Variants in MBD5 observed in about 807,000 individuals in gnomAD.
MBD5 encodes the protein methyl-CpG binding domain protein 5, also known as methyl-CpG-binding domain protein 5.
In MBD5, 13 loss-of-function variants were observed where a neutral mutation model predicts 117.3. That is an observed-to-expected ratio of 0.11 (90% CI 0.07 to 0.18). The LOEUF (loss-of-function observed/expected upper bound fraction) is 0.18. MBD5 is among the 10% of genes least tolerant of loss of function. The probability of loss-of-function intolerance (pLI) is 1.00; values close to 1 mark genes in which losing one functional copy is unlikely to be tolerated. For missense variants in MBD5, 1,879 were observed against 2,093.8 expected (o/e 0.90, Z 2.00); for synonymous variants, 727 against 766.4 (o/e 0.95, Z 0.85).
chr2:148,129,225 T>C (rs936840023), intron 1 of MBD5, among the ~76,000 whole-genome samples: 4 of 152,160 alleles, frequency 2.6e-5, no homozygotes, highest in African/African-American at 9.7e-5. Context: ...CCGGGTGCTG[T>C]GGCTCATGTC....
At chr2:148,207,299 G>T (rs1699307263) in intron 2 of MBD5, among the ~76,000 whole-genome samples, 1 of 152,104 alleles carries the variant, frequency 6.6e-6, no homozygotes, top group Non-Finnish European at 1.5e-5. Context: ...ATTGTCTCAA[G>T]ATTCAATCAC....
rs1700590205 is a variant in MBD5 at position 148,256,349 on chromosome 2, G to A, written c.-680+22954G>A. Among the ~76,000 whole-genome samples, 3 of 152,228 alleles carry A rather than the reference G, an allele frequency of 2.0e-5. No individual in the cohort carries two copies. The South Asian group carries it at 6.2e-4, about 32-fold the overall frequency. On this transcript the variant is annotated intron_variant, in intron 3 of 13. Coordinates refer to ENST00000642680, the MANE Select transcript of MBD5 (RefSeq NM_001378120.1). ...ACTCTAACCATTGGACCTTGGCCAA[G>A]GCATCTGCCTCATCATTGCCGGGGG...
In MBD5 at chr2:148,483,765, AC is replaced by A; in HGVS notation, c.3176del (p.Pro1059GlnfsTer24). 6.4e-7 allele frequency: 1 copy of A among 1,550,456 alleles called. No individual in the cohort carries two copies. The highest frequency in any genetic ancestry group is 8.7e-7 in the Non-Finnish European group (1 of 1,146,946). On this transcript the variant is annotated frameshift_variant, in exon 9 of 14. Transcript: ENST00000642680. LOFTEE classifies it high-confidence loss of function. The stretch of plus-strand genomic sequence containing the variant: ...TAACCAGCCCCCTGGGGAACCCTTT[AC>A]CAAGCTTTGCAGGCAGTGACACTAC... ...LLTSPLGNPLPSFAGSDTTFN... is the reference protein window; with the variant it reads ...LLTSPLGNPLXSFAGSDTTFN...
At chr2:148,109,021 G>A (rs1696442347) in intron 1 of MBD5, among the ~76,000 whole-genome samples, 2 of 152,138 alleles carry the variant, frequency 1.3e-5, no homozygotes, top group South Asian at 4.1e-4. Flanking sequence ...ACCCATTATT[G>A]AACATTCAAG....
chr2:148,061,192 C>G (rs977646386), intron 1 of MBD5, among the ~76,000 whole-genome samples: 2 of 152,162 alleles, frequency 1.3e-5, no homozygotes, highest in South Asian at 2.1e-4. Flanking sequence ...TCCCCTGTAT[C>G]ATAACCCTGC....
At chr2:148,277,657 T>C (rs1010359496) in intron 3 of MBD5, among the ~76,000 whole-genome samples, 3 of 152,284 alleles carry the variant, frequency 2.0e-5, no homozygotes, top group East Asian at 3.9e-4. Context: ...CTCTTTTTCA[T>C]TGATAATGCC....
chr2:148,228,467 G>A (rs919517758), intron 2 of MBD5, among the ~76,000 whole-genome samples: 4 of 152,178 alleles, frequency 2.6e-5, no homozygotes, highest in African/African-American at 9.7e-5. Context: ...AAGCCCACTT[G>A]ATCATGGTGG....
intron 3 of MBD5, among the ~76,000 whole-genome samples, chr2:148,280,959 G>A: frequency 6.6e-6 from 1 of 151,984 alleles, no homozygotes; most frequent in East Asian, 1.9e-4. Flanking sequence ...TTTAACTATT[G>A]TTACTTTACA....
At chr2:148,404,485 T>C (rs970277666) in intron 4 of MBD5, among the ~76,000 whole-genome samples, 1 of 152,168 alleles carries the variant, frequency 6.6e-6, no homozygotes, top group African/African-American at 2.4e-5. Flanking sequence ...CCAGTGTGTT[T>C]CTCTCTTCTC....
chr2:148,300,124 AG>A (rs1456121282), intron 3 of MBD5, among the ~76,000 whole-genome samples: 1 of 151,858 alleles, frequency 6.6e-6, no homozygotes, highest in African/African-American at 2.4e-5. Flanking sequence ...GCACGATCTC[AG>A]CTCACTGTAA....
chr2:148,309,167 G>T (rs1206506150), intron 3 of MBD5, among the ~76,000 whole-genome samples: 7 of 152,144 alleles, frequency 4.6e-5, no homozygotes, highest in Non-Finnish European at 8.8e-5. Flanking sequence ...GAAATTTAAA[G>T]TAGTTTTTTC....
At chr2:148,302,196 TTGC>T (rs1701789528) in intron 3 of MBD5, among the ~76,000 whole-genome samples, 1 of 152,240 alleles carries the variant, frequency 6.6e-6, no homozygotes, top group African/African-American at 2.4e-5. Context: ...AAAAATCCTC[TTGC>T]TGTGGGCATG....
At chr2:148,388,148 T>A (rs148133472) in intron 4 of MBD5, among the ~76,000 whole-genome samples, 6 of 152,298 alleles carry the variant, frequency 3.9e-5, no homozygotes, top group Non-Finnish European at 8.8e-5. Flanking sequence ...CAAAATACAT[T>A]GTTTTGTGAT....
intron 3 of MBD5, among the ~76,000 whole-genome samples, chr2:148,258,520 TC>T (rs1334861424): frequency 1.3e-5 from 2 of 151,848 alleles, no homozygotes; most frequent in African/African-American, 4.8e-5. Context: ...TCGTCCAGTG[TC>T]CCCCCAAACT....
intron 4 of MBD5, among the ~76,000 whole-genome samples, chr2:148,365,967 C>T (rs1230754921): frequency 6.6e-6 from 1 of 152,196 alleles, no homozygotes; most frequent in Non-Finnish European, 1.5e-5. Context: ...TCCTCCCTAA[C>T]TCATTTTATG....
intron 3 of MBD5, among the ~76,000 whole-genome samples, chr2:148,263,408 G>T (rs976871704): frequency 6.6e-6 from 1 of 152,098 alleles, no homozygotes; most frequent in Non-Finnish European, 1.5e-5. Flanking sequence ...GTAAGCCATG[G>T]GAGAAGACAA....
chr2:148,337,851 T>C (rs1173244875), intron 3 of MBD5, among the ~76,000 whole-genome samples: 1 of 152,194 alleles, frequency 6.6e-6, no homozygotes, highest in East Asian at 1.9e-4. Context: ...AGGACTTTAC[T>C]GAAGGCTGCA....
chr2:148,047,533 A>G (rs1209983888), intron 1 of MBD5, among the ~76,000 whole-genome samples: 1 of 152,214 alleles, frequency 6.6e-6, no homozygotes, highest in East Asian at 1.9e-4. Context: ...GAAATTGTTA[A>G]CCAATATTTT....
intron 4 of MBD5, among the ~76,000 whole-genome samples, chr2:148,381,324 C>G (rs1039820883): frequency 1.3e-5 from 2 of 152,094 alleles, no homozygotes; most frequent in African/African-American, 4.8e-5. Flanking sequence ...GATGAATGCA[C>G]AAGCCTCAGT....
Sources: gnomAD v4.1 joint callset for allele counts (sites outside exome capture counted in the v4.1 genomes callset) on GRCh38, gnomAD v4.1.1 for gene constraint, MANE v1.5 for transcripts, NCBI Gene and HGNC (gene_info 2026-07-23, HGNC 2026-07-21) for gene names.